PADI6: variants seen among roughly 807,000 people sequenced by gnomAD.
The protein encoded by PADI6 is peptidyl arginine deiminase 6, also known as inactive protein-arginine deiminase type-6.
PADI6 carries 66 observed loss-of-function variants against 78.2 expected under a neutral mutation model. The ratio of observed to expected loss-of-function variants is 0.84; its 90% CI spans 0.69 to 1.04. PADI6 has a LOEUF of 1.04. PADI6 is among the 50% of genes least tolerant of loss of function. The pLI, the probability that PADI6 is intolerant of heterozygous loss-of-function variation, is 0.00. For synonymous variants in PADI6, 397 were observed against 346.9 expected (o/e 1.14, Z -1.60); for missense variants, 854 against 866.1 (o/e 0.99, Z 0.18).
Position 17,394,301 on chromosome 1 carries a change from G to T in PADI6, c.1184G>T (p.Ser395Ile). ...LDEFPMKYSL[S>I]PGIGYMIQDT... is the part of the protein sequence containing the mutation. Reference sequence around the variant, plus strand: ...TCCCTGGCTCGGTCTCTCCCCCAGAGCCCTGGTATTGGCTACATGATCCAG... The same window carrying T: ...TCCCTGGCTCGGTCTCTCCCCCAGATCCCTGGTATTGGCTACATGATCCAG... The change falls in exon 11 of 16, where the codon AGC becomes ATC. Residue 395 changes from serine (S) to isoleucine (I), a missense_variant and splice_region_variant. By Grantham distance (142) the Ser-to-Ile change is moderately radical. Transcript: ENST00000619609. 6.2e-7 allele frequency: 1 copy of T among 1,612,542 alleles called. No homozygotes were observed. Among genetic ancestry groups the T allele is most frequent in the Non-Finnish European group, 8.5e-7 (1 of 1,178,748 alleles).
At position 17,375,490 on chromosome 1, in the gene PADI6, A is replaced by G; in HGVS notation, c.358A>G (p.Thr120Ala). ...APVGTAVLYL[T>A]GIEVSLEVDI... Reference sequence around the variant, plus strand: ...CGTGGGCACAGCTGTGCTGTACCTCACTGGCATTGGTGAGTGTTGCTCCAA... The same window carrying G: ...CGTGGGCACAGCTGTGCTGTACCTCGCTGGCATTGGTGAGTGTTGCTCCAA... Residue 120 changes from threonine to alanine, a missense_variant, in exon 3 of 16, where the codon ACT becomes GCT. Coordinates refer to ENST00000619609, the MANE Select transcript of PADI6 (RefSeq NM_207421.4). 1 of 1,606,418 alleles carries G rather than the reference A, an allele frequency of 6.2e-7. No individual in the cohort carries two copies. Among genetic ancestry groups the G allele is most frequent in the Non-Finnish European group, 8.5e-7 (1 of 1,176,504 alleles).
rs1192378433 is a variant in PADI6 at position 17,395,659 on chromosome 1, T to A, written c.1614T>A (p.Ser538=). 7.4e-6 allele frequency: 12 copies of A among 1,611,208 alleles called. No individual in the cohort carries two copies. Among genetic ancestry groups the A allele is most frequent in the Non-Finnish European group, 8.5e-6 (10 of 1,178,688 alleles). ...AGCTTAGAGCAGATCAGCTCCTGTC[T>A]AATGGTAAGGGAACTCCCTTTCCAC... ...FDELRADQLL[S]NGREAKTIDQ... is the part of the protein sequence containing the mutation. Residue 538 remains serine (S), a synonymous_variant, in exon 13 of 16, where the codon TCT becomes TCA. Transcript: ENST00000619609.
chr1:17,389,255 G>A (rs1198708083), intron 8 of PADI6, among the ~76,000 whole-genome samples: 1 of 152,196 alleles, frequency 6.6e-6, no homozygotes, highest in Non-Finnish European at 1.5e-5. Flanking sequence ...GTGTGGGGAT[G>A]GGTGAAAAGA....
In PADI6 at chr1:17,395,049, G is replaced by C; in HGVS notation, c.1436G>C (p.Gly479Ala). ...CTCTACTCAGATTGGCTAATGACTG[G>C]CCACGTGGATGAGTTCATGTGCTTC... ...VELYSDWLMT[G>A]HVDEFMCFIP... Residue 479 changes from glycine (G) to alanine (A), a missense_variant, in exon 12 of 16, where the codon GGC (glycine) becomes GCC (alanine). By Grantham distance (60) the Gly-to-Ala change is moderately conservative. Transcript: ENST00000619609. The C allele has an allele frequency of 6.2e-7, 1 of 1,613,972 alleles. No individual in the cohort carries two copies. Among genetic ancestry groups the C allele is most frequent in the African/African-American group, 1.3e-5 (1 of 75,016 alleles).
At chr1:17,385,117 T>TG (rs929304882) in intron 6 of PADI6, among the ~76,000 whole-genome samples, 20 of 152,230 alleles carry the variant, frequency 1.3e-4, no homozygotes, top group South Asian at 4.1e-4. Context: ...CCCAGCACTT[T>TG]GGGAGGCCAA....
chr1:17,401,166 A>T (rs1379924188), intron 15 of PADI6, 39 bp from the exon 16 acceptor site: 1 of 1,596,844 alleles, frequency 6.3e-7, no homozygotes, highest in African/African-American at 1.3e-5. Flanking sequence ...CAGGCCTCTG[A>T]TCCCTGTCCA....
rs1219644482 is a variant in PADI6 at position 17,372,289 on chromosome 1, T to A, written c.44T>A (p.Ile15Asn). The part of the protein sequence containing the change: ...EGRAMSFQSI[I>N]HLSLDSPVHA... ...CGAGCCATGTCCTTCCAGAGTATCA[T>A]CCACCTGTCCCTGGACAGCCCTGTC... Residue 15 changes from isoleucine (I) to asparagine (N), a missense_variant, in exon 1 of 16, where the codon ATC becomes AAC. Ile to Asn is a moderately radical substitution (Grantham distance 149). Coordinates refer to ENST00000619609, the MANE Select transcript of PADI6 (RefSeq NM_207421.4). The A allele has an allele frequency of 6.2e-6, 10 of 1,613,800 alleles. No homozygotes were observed. Among genetic ancestry groups the A allele is most frequent in the African/African-American group, 1.3e-5 (1 of 74,908 alleles).
chr1:17,394,932 C>T lies in PADI6; in HGVS notation c.1338-19C>T. 6.3e-7 allele frequency: 1 copy of T among 1,591,706 alleles called. No homozygotes were observed. Among genetic ancestry groups the T allele is most frequent in the Non-Finnish European group, 8.5e-7 (1 of 1,169,778 alleles). On this transcript the variant is annotated intron_variant, in intron 11 of 15. Coordinates refer to ENST00000619609, the MANE Select transcript of PADI6 (RefSeq NM_207421.4). ...GGGCCACACTGGCTCAAGAGCTGTTCTTTCCATCTTCCTTCTAGCGCAGAG... is the reference window on the plus strand; with the variant it reads ...GGGCCACACTGGCTCAAGAGCTGTTTTTTCCATCTTCCTTCTAGCGCAGAG...
chr1:17,380,346 G>A (rs563126300), intron 4 of PADI6, among the ~76,000 whole-genome samples: 1 of 151,416 alleles, frequency 6.6e-6, no homozygotes, highest in South Asian at 2.1e-4. Context: ...AGCAGCTGGG[G>A]TTACAAGCGT....
At chr1:17,399,209 GCCTTGAGCAA>G (rs1323101338) in intron 15 of PADI6, among the ~76,000 whole-genome samples, 1 of 152,228 alleles carries the variant, frequency 6.6e-6, no homozygotes, top group Non-Finnish European at 1.5e-5. Flanking sequence ...CAGCAGCGAG[GCCTTGAGCAA>G]CCTACCTCAG....
chr1:17,380,988 C>T (rs756698438), intron 4 of PADI6, 59 bp from the exon 5 acceptor site: 26 of 1,434,708 alleles, frequency 1.8e-5, no homozygotes, highest in African/African-American at 8.5e-5. Context: ...GAGGTGCATC[C>T]GAGAAACAGA....
intron 6 of PADI6, among the ~76,000 whole-genome samples, chr1:17,382,379 CAT>C (rs1288902003): frequency 2.0e-5 from 3 of 152,236 alleles, no homozygotes; most frequent in African/African-American, 7.2e-5. Flanking sequence ...AGAAGAGAGA[CAT>C]ATCCACTGAA....
rs1171093383 is a variant in PADI6, at chr1:17,394,413, C to T, written c.1296C>T (p.Tyr432=). 1 of 1,613,690 alleles carries T rather than the reference C, an allele frequency of 6.2e-7. No individual in the cohort carries two copies. The highest frequency in any genetic ancestry group is 8.5e-7 in the Non-Finnish European group (1 of 1,179,800). The stretch of plus-strand genomic sequence containing the variant: ...CTGTCAAGGTCCAAGGGAAAGAGTA[C>T]CCGCTGGGCAGAGTCCTCATTGGCA... ...SPPVKVQGKE[Y]PLGRVLIGSS... is the part of the protein sequence containing the mutation. The change falls in exon 11 of 16, where the codon TAC becomes TAT. Residue 432 remains tyrosine, a synonymous_variant. Coordinates refer to ENST00000619609, the MANE Select transcript of PADI6 (RefSeq NM_207421.4).
intron 3 of PADI6, among the ~76,000 whole-genome samples, chr1:17,377,346 GC>G (rs1231946296): frequency 6.6e-6 from 1 of 152,012 alleles, no homozygotes; most frequent in Non-Finnish European, 1.5e-5. Context: ...TTTTCCTCCT[GC>G]CTGTTCCTTC....
At chr1:17,397,205 G>C (rs2075255685) in intron 14 of PADI6, 64 bp downstream of exon 14, 2 of 1,574,850 alleles carry the variant, frequency 1.3e-6, no homozygotes, top group African/African-American at 2.7e-5. Flanking sequence ...TTGCAGGAAG[G>C]TTTCCACCCA....
Position 17,394,163 on chromosome 1 carries a change from G to A in PADI6, c.1182+81G>A, listed in dbSNP as rs148575053. 83 of 1,552,286 alleles carry A rather than the reference G, an allele frequency of 5.3e-5. No homozygotes were observed. The African/African-American group carries it at 1.1e-3, about 20-fold the overall frequency. On this transcript the variant is annotated intron_variant, in intron 10 of 15. Transcript: ENST00000619609. ...CTGCCTAGAAATAATGGGGCACCAA[G>A]TGGGGAGAGGGCCCAGGTGGCCTCT...
At chr1:17,398,648 T>TGGGGGGGGGGG in intron 14 of PADI6, 38 bp from the exon 15 acceptor site, 5 of 193,326 alleles carry the variant, frequency 2.6e-5, no homozygotes, top group East Asian at 8.4e-5. Context: ...CTCTCCTTGC[T>TGGGGGGGGGGG]CCCCCGCCCC....
chr1:17,401,075 G>A, intron 15 of PADI6, 130 bp from the exon 16 acceptor site: 2 of 731,924 alleles, frequency 2.7e-6, no homozygotes, highest in Non-Finnish European at 4.5e-6. Context: ...AAGTGAGCTG[G>A]GTTTCACTGA....
At chr1:17,389,889 A>G (rs1286113500) in intron 8 of PADI6, among the ~76,000 whole-genome samples, 1 of 152,240 alleles carries the variant, frequency 6.6e-6, no homozygotes, top group Non-Finnish European at 1.5e-5. Context: ...CCTCCAGATT[A>G]CTACCACCAC....
Sources: allele counts gnomAD v4.1 joint callset (sites outside exome capture counted in the v4.1 genomes callset), GRCh38; gene constraint gnomAD v4.1.1; transcripts MANE v1.5; gene names NCBI Gene and HGNC (gene_info 2026-07-23, HGNC 2026-07-21).